SLA2: variants seen among roughly 807,000 people sequenced by gnomAD.
The protein encoded by SLA2 is src-like-adapter 2.
Under a neutral mutation model 27.3 loss-of-function variants are expected in SLA2, and 22 were observed. The ratio of observed to expected loss-of-function variants is 0.81; its 90% CI spans 0.58 to 1.15. SLA2 has a LOEUF of 1.15. Ranked by LOEUF, SLA2 falls within the 50% of genes most tolerant of loss-of-function variation. The pLI is 0.00. For missense variants in SLA2, 304 were observed against 322.2 expected, an observed-to-expected ratio of 0.94 and a Z score of 0.43; for synonymous variants, 131 against 137.8, an observed-to-expected ratio of 0.95 and a Z score of 0.34.
At chr20:36,641,717 C>T (rs2039508400) in intron 1 of SLA2, among the ~76,000 whole-genome samples, 1 of 152,100 alleles carries the variant, frequency 6.6e-6, no homozygotes, top group African/African-American at 2.4e-5. Context: ...AGCCCCTAGC[C>T]TTTGTTGATC....
chr20:36,614,654 A>C, intron 6 of SLA2: 1 of 985,424 alleles, frequency 1.0e-6, no homozygotes, highest in Non-Finnish European at 1.2e-6. Flanking sequence ...ATTTAGGGTG[A>C]GTTCATGGAC....
intron 2 of SLA2, among the ~76,000 whole-genome samples, chr20:36,636,822 G>A (rs919247932): frequency 6.7e-6 from 1 of 149,240 alleles, no homozygotes; most frequent in Non-Finnish European, 1.5e-5. Flanking sequence ...GTGGTGGCAC[G>A]TCCCTGTAAT....
At chr20:36,643,955 C>G (rs1007599677) in intron 1 of SLA2, among the ~76,000 whole-genome samples, 2 of 151,810 alleles carry the variant, frequency 1.3e-5, no homozygotes, top group African/African-American at 2.4e-5. Context: ...CTGTACCCCC[C>G]TCCCGCCCCA....
At chr20:36,623,281 A>T (rs1187079182) in intron 5 of SLA2, among the ~76,000 whole-genome samples, 1 of 151,864 alleles carries the variant, frequency 6.6e-6, no homozygotes, top group Non-Finnish European at 1.5e-5. Context: ...AAAAAAAAAA[A>T]AAAAAAAAAT....
intron 5 of SLA2, among the ~76,000 whole-genome samples, chr20:36,625,533 T>C (rs1234212586): frequency 1.3e-5 from 2 of 152,006 alleles, no homozygotes; most frequent in Non-Finnish European, 2.9e-5. Context: ...CATGATTTTG[T>C]TTTAGGAAAT....
chr20:36,626,267 C>T (rs2039336071), intron 5 of SLA2, among the ~76,000 whole-genome samples: 1 of 152,082 alleles, frequency 6.6e-6, no homozygotes, highest in East Asian at 1.9e-4. Flanking sequence ...TGGCACGCAC[C>T]TGTAATCCTA....
At chr20:36,623,190 C>T (rs2147983004) in intron 5 of SLA2, among the ~76,000 whole-genome samples, 1 of 149,772 alleles carries the variant, frequency 6.7e-6, no homozygotes, top group African/African-American at 2.5e-5. Context: ...ATTGTTTGAA[C>T]CAGGAGGCAG....
chr20:36,615,380 G>A lies in SLA2; in HGVS notation c.383-6C>T, dbSNP rs763965103. 9 of 1,613,400 alleles carry A rather than the reference G, an allele frequency of 5.6e-6. No individual in the cohort carries two copies. Among genetic ancestry groups the A allele is most frequent in the South Asian group, 3.3e-5 (3 of 91,028 alleles). The stretch of plus-strand genomic sequence containing the variant: ...GACTGACAGAGAGTAAGAGCCTGAG[G>A]AGAAAGGGGTCCAGGGGTGGCACTG... On this transcript the variant is annotated splice_polypyrimidine_tract_variant and splice_region_variant and intron_variant, in intron 5 of 7. Transcript: ENST00000262866.
intron 2 of SLA2, among the ~76,000 whole-genome samples, chr20:36,638,621 C>T (rs1260937590): frequency 1.3e-5 from 2 of 151,786 alleles, no homozygotes; most frequent in Non-Finnish European, 2.9e-5. Flanking sequence ...GAGCCACCGC[C>T]CCTAGCCAAT....
chr20:36,631,137 T>G (rs901490321), intron 5 of SLA2, among the ~76,000 whole-genome samples: 17 of 152,174 alleles, frequency 1.1e-4, no homozygotes, highest in African/African-American at 3.9e-4. Flanking sequence ...CCTAGATCCC[T>G]ACTGTGGGCC....
At chr20:36,614,957 G>A in intron 6 of SLA2, 1 of 985,378 alleles carries the variant, frequency 1.0e-6, no homozygotes, top group Non-Finnish European at 1.2e-6. Context: ...TCTGCCTGCT[G>A]CCAGGGGCTC....
chr20:36,625,475 C>T (rs1180463922), intron 5 of SLA2, among the ~76,000 whole-genome samples: 1 of 152,012 alleles, frequency 6.6e-6, no homozygotes, highest in African/African-American at 2.4e-5. Flanking sequence ...TCCCCCGCCT[C>T]GGCCTCTCAA....
chr20:36,628,700 C>T (rs1000295455), intron 5 of SLA2, among the ~76,000 whole-genome samples: 1 of 151,876 alleles, frequency 6.6e-6, no homozygotes, highest in Non-Finnish European at 1.5e-5. Context: ...CACATGCCAC[C>T]ACACCTAGCT....
At position 36,632,709 on chromosome 20, in the gene SLA2, G is replaced by A. The variant is rs371231371; in HGVS notation, c.279-11C>T. 2.8e-5 allele frequency: 45 copies of A among 1,608,926 alleles called. No homozygotes were observed. The highest frequency in any genetic ancestry group is 9.3e-5 in the African/African-American group (7 of 74,880). On this transcript the variant is annotated splice_polypyrimidine_tract_variant and intron_variant, in intron 4 of 7. Coordinates refer to ENST00000262866, the MANE Select transcript of SLA2 (RefSeq NM_032214.4). Reference sequence around the variant, plus strand: ...CCCTCATACAGCCACCTGGCGGAGCGAAAGAGAGGGACAAGGGACAGGGTC... The same window carrying A: ...CCCTCATACAGCCACCTGGCGGAGCAAAAGAGAGGGACAAGGGACAGGGTC...
At chr20:36,633,675 G>T (rs755914969) in intron 3 of SLA2, 46 bp from the exon 4 acceptor site, 2 of 1,527,534 alleles carry the variant, frequency 1.3e-6, no homozygotes, top group African/African-American at 1.4e-5. Context: ...ATGAGCCAAG[G>T]CCCCGACAAC....
chr20:36,645,437 C>G (rs1978287255), intron 1 of SLA2, among the ~76,000 whole-genome samples: 1 of 152,076 alleles, frequency 6.6e-6, no homozygotes, highest in Non-Finnish European at 1.5e-5. Context: ...AAATATCACC[C>G]CTTTGAGAGT....
Position 36,613,853 on chromosome 20 carries a change from C to A in SLA2, c.*13G>T. 6.3e-7 allele frequency: 1 copy of A among 1,579,246 alleles called. No homozygotes were observed. The highest frequency in any genetic ancestry group is 8.6e-7 in the Non-Finnish European group (1 of 1,160,208). ...GTGCAGCCTTGGTTTCCCTTTTGGC[C>A]TCTCCTTTGGGCCTAGGCATCATCC... On this transcript the variant is annotated 3_prime_UTR_variant, in exon 8 of 8. Transcript: ENST00000262866.
At chr20:36,640,843 G>T (rs2039499701) in intron 2 of SLA2, among the ~76,000 whole-genome samples, 1 of 152,144 alleles carries the variant, frequency 6.6e-6, no homozygotes, top group Non-Finnish European at 1.5e-5. Context: ...AATTTAAGCA[G>T]TTACGTGTGG....
intron 7 of SLA2, 38 bp downstream of exon 7, chr20:36,614,267 G>A: frequency 6.2e-7 from 1 of 1,614,024 alleles, no homozygotes; most frequent in African/African-American, 1.3e-5. Context: ...TCTAACTCTT[G>A]GTCCTGCTTT....
Sources: allele counts gnomAD v4.1 joint callset (sites outside exome capture counted in the v4.1 genomes callset), GRCh38; gene constraint gnomAD v4.1.1; transcripts MANE v1.5; gene names NCBI Gene and HGNC (gene_info 2026-07-23, HGNC 2026-07-21).